The following MTA3 variants were observed in gnomAD, a reference collection of about 807,000 sequenced individuals.
MTA3 encodes metastasis-associated protein MTA3.
Under a neutral mutation model 83.5 loss-of-function variants are expected in MTA3, and 34 were observed. The observed-to-expected ratio is 0.41, with a 90% CI of 0.31 to 0.54. The LOEUF (loss-of-function observed/expected upper bound fraction) is 0.54. Among genes scored for constraint, MTA3 ranks in the 20% least tolerant of loss-of-function variants. MTA3 has a pLI of 0.33. For missense variants in MTA3, 761 were observed against 726.4 expected (o/e 1.05, Z -0.55); for synonymous variants, 303 against 252.7 (o/e 1.20, Z -1.89).
intron 2 of MTA3, among the ~76,000 whole-genome samples, chr2:42,572,746 G>C (rs1678631645): frequency 6.6e-6 from 1 of 152,078 alleles, no homozygotes; most frequent in Non-Finnish European, 1.5e-5. Context: ...TGTTTTTTGA[G>C]ATGAAGTTTT....
chr2:42,711,103 AAAGT>A (rs1666574296), intron 14 of MTA3, among the ~76,000 whole-genome samples: 1 of 151,260 alleles, frequency 6.6e-6, no homozygotes, highest in African/African-American at 2.4e-5. Flanking sequence ...TAAAAATTAA[AAAGT>A]AAAACATTTA....
chr2:42,535,176 C>G (rs1010686853), intron 2 of MTA3, among the ~76,000 whole-genome samples: 3 of 151,692 alleles, frequency 2.0e-5, no homozygotes, highest in Non-Finnish European at 2.9e-5. Flanking sequence ...CACCTGAGGT[C>G]AGGAGTTCGA....
intron 2 of MTA3, among the ~76,000 whole-genome samples, chr2:42,557,035 C>A (rs767879781): frequency 2.0e-5 from 3 of 152,132 alleles, no homozygotes; most frequent in Non-Finnish European, 4.4e-5. Context: ...GGACTCCACC[C>A]TTCAAGAACA....
At chr2:42,594,041 T>G (rs1302617821) in intron 3 of MTA3, among the ~76,000 whole-genome samples, 1 of 150,342 alleles carries the variant, frequency 6.7e-6, no homozygotes, top group Non-Finnish European at 1.5e-5. Flanking sequence ...AACTTCCCCC[T>G]GTCAGGTTCA....
intron 2 of MTA3, among the ~76,000 whole-genome samples, chr2:42,560,562 A>C (rs1253661909): frequency 6.7e-6 from 1 of 149,868 alleles, no homozygotes; most frequent in African/African-American, 2.5e-5. Context: ...AAAAAAAAAA[A>C]CAAAAAACAA....
intron 3 of MTA3, among the ~76,000 whole-genome samples, chr2:42,595,406 G>C (rs1681679373): frequency 6.6e-6 from 1 of 151,944 alleles, no homozygotes; most frequent in Non-Finnish European, 1.5e-5. Flanking sequence ...CACTGTGCCC[G>C]GCATGTTTTT....
intron 6 of MTA3, among the ~76,000 whole-genome samples, chr2:42,644,872 G>A (rs1688027203): frequency 6.6e-6 from 1 of 152,074 alleles, no homozygotes; most frequent in African/African-American, 2.4e-5. Context: ...TCCCTTCCCT[G>A]CCTCTTTCTC....
At chr2:42,588,220 T>C (rs1179661144) in intron 3 of MTA3, among the ~76,000 whole-genome samples, 1 of 152,182 alleles carries the variant, frequency 6.6e-6, no homozygotes, top group Non-Finnish European at 1.5e-5. Context: ...CTGTTCCTCA[T>C]GTTTGATTTA....
intron 16 of MTA3, among the ~76,000 whole-genome samples, chr2:42,730,126 G>A (rs182495918): frequency 1.3e-5 from 2 of 152,270 alleles, no homozygotes; most frequent in African/African-American, 4.8e-5. Flanking sequence ...TTCTTGTGGA[G>A]TCTTTAGGTT....
intron 4 of MTA3, among the ~76,000 whole-genome samples, chr2:42,636,697 G>C (rs1687237180): frequency 6.7e-6 from 1 of 149,522 alleles, no homozygotes; most frequent in Admixed American, 6.7e-5. Context: ...TGCGATCTCG[G>C]CTCACTGCAA....
At chr2:42,614,604 CT>C (rs1684627374) in intron 4 of MTA3, among the ~76,000 whole-genome samples, 1 of 152,048 alleles carries the variant, frequency 6.6e-6, no homozygotes. Flanking sequence ...GATGCTCGGG[CT>C]GTTGTACTCA....
intron 6 of MTA3, among the ~76,000 whole-genome samples, chr2:42,649,809 T>C (rs2104337539): frequency 6.6e-6 from 1 of 152,316 alleles, no homozygotes; most frequent in African/African-American, 2.4e-5. Context: ...AAAAATTACA[T>C]TCTGCATTCG....
At chr2:42,736,777 A>C (rs1222347818) in intron 16 of MTA3, among the ~76,000 whole-genome samples, 1 of 151,900 alleles carries the variant, frequency 6.6e-6, no homozygotes, top group Non-Finnish European at 1.5e-5. Context: ...AAGGCACACA[A>C]CAAGTACTGC....
At chr2:42,520,446 C>T (rs979159996) in intron 2 of MTA3, among the ~76,000 whole-genome samples, 1 of 152,130 alleles carries the variant, frequency 6.6e-6, no homozygotes, top group Admixed American at 6.6e-5. Context: ...ATGCTGCCCC[C>T]ATAAGCATAA....
intron 14 of MTA3, among the ~76,000 whole-genome samples, chr2:42,717,919 T>C (rs1265671867): frequency 6.6e-6 from 1 of 152,190 alleles, no homozygotes; most frequent in African/African-American, 2.4e-5. Flanking sequence ...TAAGACTGAT[T>C]CCACCTTGTG....
rs992739864 is a variant in MTA3 at position 42,756,570 on chromosome 2, G to T, written c.*3171G>T. 11 of 985,804 alleles carry T rather than the reference G, an allele frequency of 1.1e-5. No individual in the cohort carries two copies. In the South Asian group the frequency reaches 5.2e-4, roughly 46 times the overall value. The allele number at this position is 985,804 out of a possible 1,614,324, so 61.1% of individuals were successfully genotyped here. A position where few individuals can be genotyped will look rare whatever the true frequency, so the allele number is the denominator to read the frequency against. ...CCTGGCGAGGGGAGGTGGAGGAGCT[G>T]CCCCGTGGGTGTTTGGAGATTCTGT... On this transcript the variant is annotated 3_prime_UTR_variant, in exon 17 of 17. Coordinates refer to ENST00000405094, the MANE Select transcript of MTA3 (RefSeq NM_001330442.2).
chr2:42,650,670 C>T (rs1688637308), intron 6 of MTA3, among the ~76,000 whole-genome samples: 1 of 152,114 alleles, frequency 6.6e-6, no homozygotes, highest in African/African-American at 2.4e-5. Context: ...ACGTCGTGAT[C>T]TGCCCGCCTC....
At chr2:42,739,281 C>T (rs898716128) in intron 16 of MTA3, among the ~76,000 whole-genome samples, 1 of 152,134 alleles carries the variant, frequency 6.6e-6, no homozygotes, top group East Asian at 1.9e-4. Flanking sequence ...TAGAAAAGAA[C>T]CTACGTGATT....
At chr2:42,684,092 T>C (rs766095310) in intron 9 of MTA3, among the ~76,000 whole-genome samples, 20 of 152,198 alleles carry the variant, frequency 1.3e-4, no homozygotes, top group Non-Finnish European at 2.6e-4. Flanking sequence ...GTGGGGTAAA[T>C]ACCAGGTCAT....
Sources: allele counts gnomAD v4.1 joint callset (sites outside exome capture counted in the v4.1 genomes callset), GRCh38; gene constraint gnomAD v4.1.1; transcripts MANE v1.5; gene names NCBI Gene and HGNC (gene_info 2026-07-23, HGNC 2026-07-21).